The following PDK1 variants were observed in gnomAD, a reference collection of about 807,000 sequenced individuals.
PDK1 encodes the protein pyruvate dehydrogenase kinase 1.
PDK1 carries 39 observed loss-of-function variants against 54.2 expected under a neutral mutation model. The observed-to-expected ratio is 0.72, with a 90% confidence interval of 0.56 to 0.94. The LOEUF (loss-of-function observed/expected upper bound fraction) is 0.94, where lower values mean the gene tolerates loss of function less well. Among genes scored for constraint, PDK1 ranks in the 40% least tolerant of loss-of-function variants. PDK1 has a pLI of 0.00. For synonymous variants in PDK1, 221 were observed against 207.1 expected (o/e 1.07, Z -0.58); for missense variants, 552 against 566.0 (o/e 0.98, Z 0.25).
intron 5 of PDK1, among the ~76,000 whole-genome samples, chr2:172,566,589 G>C (rs535629231): frequency 5.1e-4 from 78 of 151,930 alleles, no homozygotes; most frequent in African/African-American, 1.9e-3. Context: ...TCCCTGGTTG[G>C]GGGCAGTGGT....
chr2:172,679,375 A>T, the PDK1 span, among the ~76,000 whole-genome samples: 2 of 152,070 alleles, frequency 1.3e-5, no homozygotes, highest in Non-Finnish European at 1.5e-5. Context: ...GAAGCCCAGG[A>T]GTTTGAGGCT....
chr2:172,694,847 T>C, the PDK1 span, among the ~76,000 whole-genome samples: 1 of 152,224 alleles, frequency 6.6e-6, no homozygotes, highest in Non-Finnish European at 1.5e-5. Context: ...CCGGGCATGG[T>C]GGCTCAGACC....
At chr2:172,622,470 CAT>C in the PDK1 span, among the ~76,000 whole-genome samples, 9 of 134,028 alleles carry the variant, frequency 6.7e-5, no homozygotes, top group South Asian at 5.3e-4. Flanking sequence ...GTTTATATCT[CAT>C]ATTATGTGAG....
the PDK1 span, among the ~76,000 whole-genome samples, chr2:172,633,259 G>C: frequency 1.3e-5 from 2 of 151,544 alleles, no homozygotes; most frequent in African/African-American, 2.4e-5. Flanking sequence ...TGTTGTCCAG[G>C]CTGGTCTTAA....
rs954486812 is a variant in PDK1 at position 172,596,934 on chromosome 2, A to G, written c.*965A>G. The stretch of plus-strand genomic sequence containing the variant: ...AACAGTGATGACACAGCATTTGCTA[A>G]AGTAACATCTGTAGGTTTTGGTTTC... On this transcript the variant is annotated 3_prime_UTR_variant, in exon 11 of 11. Transcript: ENST00000282077. The G allele has an allele frequency of 6.6e-6, 1 of 152,194 alleles. No individual in the cohort carries two copies. Among genetic ancestry groups the G allele is most frequent in the African/African-American group, 2.4e-5 (1 of 41,448 alleles). 9.4% of individuals were successfully genotyped at this position (152,194 alleles called of 1,614,324 possible).
chr2:172,696,192 A>G, the PDK1 span, among the ~76,000 whole-genome samples: 8 of 151,728 alleles, frequency 5.3e-5, no homozygotes, highest in Non-Finnish European at 1.2e-4. Context: ...AAAAAAAGAA[A>G]AAAAAAAGCT....
At chr2:172,696,421 T>A in the PDK1 span, among the ~76,000 whole-genome samples, 1 of 152,234 alleles carries the variant, frequency 6.6e-6, no homozygotes, top group Admixed American at 6.5e-5. Context: ...TTTTAACATC[T>A]CCTAATTTTA....
the PDK1 span, among the ~76,000 whole-genome samples, chr2:172,685,193 G>C: frequency 2.0e-5 from 3 of 152,154 alleles, no homozygotes; most frequent in Non-Finnish European, 4.4e-5. Context: ...CTTTATAGCA[G>C]TGTGAAAACA....
At chr2:172,710,647 T>A in the PDK1 span, among the ~76,000 whole-genome samples, 1 of 152,322 alleles carries the variant, frequency 6.6e-6, no homozygotes, top group African/African-American at 2.4e-5. Flanking sequence ...GTAAAGGAAA[T>A]TAAGAAATTC....
downstream of PDK1, among the ~76,000 whole-genome samples, chr2:172,612,043 T>C (rs1213718868): frequency 6.6e-6 from 1 of 152,236 alleles, no homozygotes; most frequent in African/African-American, 2.4e-5. Context: ...ATCATAATTA[T>C]CAAAGCCACA....
At chr2:172,563,333 A>G (rs775682863) in intron 3 of PDK1, among the ~76,000 whole-genome samples, 1 of 152,148 alleles carries the variant, frequency 6.6e-6, no homozygotes, top group Non-Finnish European at 1.5e-5. Flanking sequence ...GTTGTTTTTG[A>G]AGAGTTTTGT....
chr2:172,674,076 CAAT>C, the PDK1 span: 1 of 152,218 alleles, frequency 6.6e-6, no homozygotes, highest in Non-Finnish European at 1.5e-5. Flanking sequence ...GCTTGACTAA[CAAT>C]TTATTGTGAG....
intron 9 of PDK1, among the ~76,000 whole-genome samples, chr2:172,591,257 A>G (rs1690561736): frequency 6.6e-6 from 1 of 152,198 alleles, no homozygotes. Flanking sequence ...GGGAGAAGCC[A>G]TGTTGCCCAA....
chr2:172,616,538 GGAT>G, the PDK1 span, among the ~76,000 whole-genome samples: 2 of 152,046 alleles, frequency 1.3e-5, no homozygotes, highest in African/African-American at 4.8e-5. Flanking sequence ...AAAGGTGAGG[GGAT>G]GATAAGTGCA....
chr2:172,668,693 A>G, the PDK1 span, among the ~76,000 whole-genome samples: 4 of 150,810 alleles, frequency 2.7e-5, no homozygotes, highest in African/African-American at 4.9e-5. Context: ...CAGTCAGGCT[A>G]TTGTCATTTG....
At chr2:172,589,205 G>A (rs1384262819) in intron 9 of PDK1, among the ~76,000 whole-genome samples, 1 of 152,142 alleles carries the variant, frequency 6.6e-6, no homozygotes, top group South Asian at 2.1e-4. Flanking sequence ...AGTTTTCTTC[G>A]GGCCACTTCT....
chr2:172,686,804 C>T, the PDK1 span, among the ~76,000 whole-genome samples: 2 of 152,210 alleles, frequency 1.3e-5, no homozygotes, highest in Admixed American at 1.3e-4. Flanking sequence ...ACTCCGGACA[C>T]ATCTTGATCT....
At chr2:172,657,555 A>G in the PDK1 span, among the ~76,000 whole-genome samples, 1 of 151,818 alleles carries the variant, frequency 6.6e-6, no homozygotes, top group African/African-American at 2.4e-5. Flanking sequence ...GATTTCTTCC[A>G]ATTACTGAAG....
At chr2:172,654,390 C>G in the PDK1 span, among the ~76,000 whole-genome samples, 1 of 152,078 alleles carries the variant, frequency 6.6e-6, no homozygotes, top group African/African-American at 2.4e-5. Flanking sequence ...CAGTGATAGA[C>G]TGGATTAAGA....
Sources: gnomAD v4.1 joint callset for allele counts (sites outside exome capture counted in the v4.1 genomes callset) on GRCh38, gnomAD v4.1.1 for gene constraint, MANE v1.5 for transcripts, NCBI Gene and HGNC (gene_info 2026-07-23, HGNC 2026-07-21) for gene names.